Variants in RFTN1 observed in about 807,000 individuals in gnomAD.
RFTN1 encodes raftlin.
A neutral mutation model predicts 46.5 loss-of-function variants in RFTN1; 26 were observed. The ratio of observed to expected loss-of-function variants is 0.56; its 90% CI spans 0.41 to 0.78. The LOEUF (loss-of-function observed/expected upper bound fraction) is 0.78, where lower values mean the gene tolerates loss of function less well. RFTN1 is among the 30% of genes least tolerant of loss of function. The pLI is 0.00. For synonymous variants in RFTN1, 261 were observed against 284.2 expected, an observed-to-expected ratio of 0.92 and a Z score of 0.82; for missense variants, 693 against 718.7, an observed-to-expected ratio of 0.96 and a Z score of 0.41.
At chr3:16,328,043 C>T (rs756129317) in intron 7 of RFTN1, among the ~76,000 whole-genome samples, 1 of 152,186 alleles carries the variant, frequency 6.6e-6, no homozygotes, top group Non-Finnish European at 1.5e-5. Flanking sequence ...CCACATAGTT[C>T]ATTTATCAGG....
rs149334652 is a variant in RFTN1 at position 16,468,870 on chromosome 3, G to A, written c.145+24855C>T. 4.6e-5 allele frequency among the ~76,000 whole-genome samples: 7 copies of A among 152,328 alleles called. No homozygotes were observed. The East Asian group carries it at 5.8e-4, about 13-fold the overall frequency. On this transcript the variant is annotated intron_variant, in intron 2 of 9. Transcript: ENST00000334133. The surrounding 1 kb of genome is among the most constrained non-coding windows in gnomAD (Gnocchi z 4.4). The stretch of plus-strand genomic sequence containing the variant: ...ATTAGACACAGCCAGAAAAGGGTAC[G>A]TATGCTTCCCCTTCCTGTGGCTGGC...
At chr3:16,355,040 T>C (rs2072345263) in intron 7 of RFTN1, among the ~76,000 whole-genome samples, 1 of 152,240 alleles carries the variant, frequency 6.6e-6, no homozygotes, top group East Asian at 1.9e-4. Context: ...TCCATATTTC[T>C]ATGAACATTC....
Position 16,358,073 on chromosome 3 carries a change from T to TGG in RFTN1, c.1031-28_1031-27dup, listed in dbSNP as rs113108751. The TGG allele has an allele frequency of 2.9e-5, 11 of 384,936 alleles. No homozygotes were observed. The African/African-American group carries it at 3.8e-4, about 13-fold the overall frequency. The allele number at this position is 384,936 out of a possible 1,614,324, so 23.8% of individuals were successfully genotyped here. A position where few individuals can be genotyped will look rare whatever the true frequency, so the allele number is the denominator to read the frequency against. On this transcript the variant is annotated intron_variant, in intron 6 of 9. Coordinates refer to ENST00000334133, the MANE Select transcript of RFTN1 (RefSeq NM_015150.2). Reference sequence around the variant, plus strand: ...CTGTGGAAAAAGAAAAAGGCGGGGGTGGGGGGGGTCTGTAAACCGTCTGTG... The same window carrying TGG: ...CTGTGGAAAAAGAAAAAGGCGGGGGTGGGGGGGGGGTCTGTAAACCGTCTGTG...
In RFTN1 at chr3:16,500,447, T is replaced by A. The variant is rs1218378378; in HGVS notation, c.-8-6570A>T. Among the ~76,000 whole-genome samples the A allele has an allele frequency of 6.6e-6, 1 of 152,114 alleles. No homozygotes were observed. The highest frequency in any genetic ancestry group is 2.4e-5 in the African/African-American group (1 of 41,400). ...TCAAAGGTAGAGGAAATGGAAGAGG[T>A]CTTTCCCCATTTCTATGGTGAAACA... On this transcript the variant is annotated intron_variant, in intron 1 of 9. Transcript: ENST00000334133. The surrounding 1 kb of genome is among the most constrained non-coding windows in gnomAD (Gnocchi z 5.9).
rs116726319 is a variant in RFTN1 at position 16,462,662 on chromosome 3, A to G, written c.146-28625T>C. Among the ~76,000 whole-genome samples, 1,183 of 152,262 alleles carry G rather than the reference A, an allele frequency of 7.8e-3. 18 individuals are homozygous for G. Among genetic ancestry groups the G allele is most frequent in the African/African-American group, 0.027 (1,118 of 41,568 alleles). On this transcript the variant is annotated intron_variant, in intron 2 of 9. Transcript: ENST00000334133. ...AGATTTTCCTTCAAGAAGGGGTACGACTCTGTTGACACATTGATTTCAGAC... is the reference window on the plus strand; with the variant it reads ...AGATTTTCCTTCAAGAAGGGGTACGGCTCTGTTGACACATTGATTTCAGAC...
In RFTN1 at chr3:16,403,727, T is replaced by A. The variant is rs1262346476; in HGVS notation, c.441+5648A>T. Among the ~76,000 whole-genome samples, 10 of 12,778 alleles carry A rather than the reference T, an allele frequency of 7.8e-4. 3 individuals carry two copies. The South Asian group carries it at 0.025, about 32-fold the overall frequency. The allele number at this position is 12,778 out of a possible 152,430, so 8.4% of individuals were successfully genotyped here. ...ATGTATATAATATATAATATATATA[T>A]TATATATATTATATTATATATTATA... On this transcript the variant is annotated intron_variant, in intron 4 of 9. Transcript: ENST00000334133.
rs1185142188 is a variant in RFTN1 at position 16,483,433 on chromosome 3, T to A, written c.145+10292A>T. Among the ~76,000 whole-genome samples, 1 of 152,148 alleles carries A rather than the reference T, an allele frequency of 6.6e-6. No homozygotes were observed. Among genetic ancestry groups the A allele is most frequent in the African/African-American group, 2.4e-5 (1 of 41,424 alleles). ...TCCCTGAGACATCACAGACTTAAGC[T>A]GAGTCTGTTGACACCTGTTCTGTAG... On this transcript the variant is annotated intron_variant, in intron 2 of 9. Transcript: ENST00000334133. This position sits in a 1 kb window ranked among gnomAD's most constrained non-coding sequence, Gnocchi z 4.8.
Position 16,500,323 on chromosome 3 carries a change from T to C in RFTN1, c.-8-6446A>G, listed in dbSNP as rs370565983. Among the ~76,000 whole-genome samples, 69 of 152,314 alleles carry C rather than the reference T, an allele frequency of 4.5e-4. No homozygotes were observed. Among genetic ancestry groups the C allele is most frequent in the African/African-American group, 1.5e-3 (64 of 41,562 alleles). On this transcript the variant is annotated intron_variant, in intron 1 of 9. Coordinates refer to ENST00000334133, the MANE Select transcript of RFTN1 (RefSeq NM_015150.2). The surrounding 1 kb of genome is among the most constrained non-coding windows in gnomAD (Gnocchi z 5.9). The stretch of plus-strand genomic sequence containing the variant: ...GATTGACAGGTGTCCAGGCATTTGT[T>C]TCTCTTTTTATATTTTGTTTTCTCA...
rs567945698 is a variant in RFTN1 at position 16,364,195 on chromosome 3, A to AG, written c.1030+5880dup. ...AAGTTGCAGCGCCATTTAACTGACC[A>AG]GATAGGGAAGAAACATTCTGATTCA... On this transcript the variant is annotated intron_variant, in intron 6 of 9. Transcript: ENST00000334133. 1.3e-3 allele frequency among the ~76,000 whole-genome samples: 194 copies of AG among 152,362 alleles called. 1 individual carries two copies. Among genetic ancestry groups the AG allele is most frequent in the Admixed American group, 4.7e-3 (72 of 15,308 alleles).
chr3:16,359,990 T>G (rs1342206596), intron 6 of RFTN1, among the ~76,000 whole-genome samples: 1 of 152,014 alleles, frequency 6.6e-6, no homozygotes, highest in Non-Finnish European at 1.5e-5. Flanking sequence ...CAAAAGGTCA[T>G]CAGCATGAGA....
At position 16,410,712 on chromosome 3, in the gene RFTN1, C is replaced by T. The variant is rs2074967087; in HGVS notation, c.333-1229G>A. 1.3e-5 allele frequency among the ~76,000 whole-genome samples: 2 copies of T among 152,134 alleles called. No homozygotes were observed. Among genetic ancestry groups the T allele is most frequent in the Admixed American group, 1.3e-4 (2 of 15,284 alleles). On this transcript the variant is annotated intron_variant, in intron 3 of 9. Coordinates refer to ENST00000334133, the MANE Select transcript of RFTN1 (RefSeq NM_015150.2). The surrounding 1 kb of genome is among the most constrained non-coding windows in gnomAD (Gnocchi z 4.6). ...CTGTCAAAGGAGAGGCTTCCTAGCG[C>T]ACCCTGCCATCTCTGCACACAGGGG...
intron 2 of RFTN1, among the ~76,000 whole-genome samples, chr3:16,461,224 T>C (rs1249600790): frequency 2.0e-5 from 3 of 152,150 alleles, no homozygotes; most frequent in Non-Finnish European, 2.9e-5. Flanking sequence ...TCTTAGGCAA[T>C]TCAAATATAG....
rs62236261 is a variant in RFTN1 at position 16,362,940 on chromosome 3, G to T, written c.1031-4893C>A. Among the ~76,000 whole-genome samples, 148 of 152,186 alleles carry T rather than the reference G, an allele frequency of 9.7e-4. No homozygotes were observed. The Middle Eastern group carries it at 0.01, about 10-fold the overall frequency. On this transcript the variant is annotated intron_variant, in intron 6 of 9. Coordinates refer to ENST00000334133, the MANE Select transcript of RFTN1 (RefSeq NM_015150.2). ...GCCTGGGAAGGGGGCTGTGTAGTCC[G>T]CAGGGAAAGCTACGGCTAGCTTGAG...
rs2076133157 is a variant in RFTN1 at position 16,468,131 on chromosome 3, AG to A, written c.145+25593del. On this transcript the variant is annotated intron_variant, in intron 2 of 9. Transcript: ENST00000334133. The surrounding 1 kb of genome is among the most constrained non-coding windows in gnomAD (Gnocchi z 4.4). ...AGACTGCAGACCCCAGAATGATAACAGGGTGAGCTATATTTATATCCCACGG... is the reference window on the plus strand; with the variant it reads ...AGACTGCAGACCCCAGAATGATAACAGGTGAGCTATATTTATATCCCACGG... Among the ~76,000 whole-genome samples the A allele has an allele frequency of 6.6e-6, 1 of 151,968 alleles. No individual in the cohort carries two copies. Among genetic ancestry groups the A allele is most frequent in the African/African-American group, 2.4e-5 (1 of 41,202 alleles).
rs201680071 is a variant in RFTN1, at chr3:16,443,168, T to C, written c.146-9131A>G. Among the ~76,000 whole-genome samples, 82 of 152,370 alleles carry C rather than the reference T, an allele frequency of 5.4e-4. No individual in the cohort carries two copies. The highest frequency in any genetic ancestry group is 1.7e-3 in the African/African-American group (72 of 41,592). Reference sequence around the variant, plus strand: ...TCCATATTGTTTTCTATAATGGCTGTACTAGTTTACATTCCCACCAACGGG... The same window carrying C: ...TCCATATTGTTTTCTATAATGGCTGCACTAGTTTACATTCCCACCAACGGG... On this transcript the variant is annotated intron_variant, in intron 2 of 9. Coordinates refer to ENST00000334133, the MANE Select transcript of RFTN1 (RefSeq NM_015150.2). This position sits in a 1 kb window ranked among gnomAD's most constrained non-coding sequence, Gnocchi z 5.5.
intron 2 of RFTN1, among the ~76,000 whole-genome samples, chr3:16,463,652 A>G (rs2076042567): frequency 6.6e-6 from 1 of 152,188 alleles, no homozygotes; most frequent in African/African-American, 2.4e-5. Flanking sequence ...ATATAATTCT[A>G]TTCACTCTGG....
At position 16,424,943 on chromosome 3, in the gene RFTN1, A is replaced by G. The variant is rs370481820; in HGVS notation, c.332+8908T>C. Among the ~76,000 whole-genome samples, 2 of 125,656 alleles carry G rather than the reference A, an allele frequency of 1.6e-5. No homozygotes were observed. The highest frequency in any genetic ancestry group is 2.5e-4 in the South Asian group (1 of 4,068). 82.4% of individuals were successfully genotyped at this position (125,656 alleles called of 152,430 possible). A position where few individuals can be genotyped will look rare whatever the true frequency, so the allele number is the denominator to read the frequency against. ...TCTTTTTCAGCTTGAAAAACACACA[A>G]AAAAAATCTAAGTTACTTCTGATTG... On this transcript the variant is annotated intron_variant, in intron 3 of 9. Coordinates refer to ENST00000334133, the MANE Select transcript of RFTN1 (RefSeq NM_015150.2). This position sits in a 1 kb window ranked among gnomAD's most constrained non-coding sequence, Gnocchi z 4.7.
At position 16,389,021 on chromosome 3, in the gene RFTN1, A is replaced by C. The variant is rs2074281919; in HGVS notation, c.442-10919T>G. The stretch of plus-strand genomic sequence containing the variant: ...TAAATGAGTGAGTCAAAAGAACATA[A>C]GTTTAAAGAATTTAACCAGGAGCAG... On this transcript the variant is annotated intron_variant, in intron 4 of 9. Transcript: ENST00000334133. Among the ~76,000 whole-genome samples, 10 of 151,854 alleles carry C rather than the reference A, an allele frequency of 6.6e-5. No homozygotes were observed. In the South Asian group the frequency reaches 2.1e-3, roughly 32 times the overall value.
chr3:16,498,533 T>C lies in RFTN1; in HGVS notation c.-8-4656A>G, dbSNP rs945300927. ...ATACCAGCCAGCAGCAAAACTGTAATATCATTGAATCCTTGAATCTCAAAT... is the reference window on the plus strand; with the variant it reads ...ATACCAGCCAGCAGCAAAACTGTAACATCATTGAATCCTTGAATCTCAAAT... On this transcript the variant is annotated intron_variant, in intron 1 of 9. Coordinates refer to ENST00000334133, the MANE Select transcript of RFTN1 (RefSeq NM_015150.2). The surrounding 1 kb of genome is among the most constrained non-coding windows in gnomAD (Gnocchi z 5.2). Among the ~76,000 whole-genome samples the C allele has an allele frequency of 1.3e-5, 2 of 152,250 alleles. No individual in the cohort carries two copies. The highest frequency in any genetic ancestry group is 2.4e-5 in the African/African-American group (1 of 41,458).
Sources: allele counts gnomAD v4.1 joint callset (sites outside exome capture counted in the v4.1 genomes callset), GRCh38; gene constraint gnomAD v4.1.1; non-coding constraint Gnocchi (gnomAD v3.1); transcripts MANE v1.5; gene names NCBI Gene and HGNC (gene_info 2026-07-23, HGNC 2026-07-21).